The following ADAM12 variants were observed in gnomAD, a reference collection of about 807,000 sequenced individuals.
The protein encoded by ADAM12 is ADAM metallopeptidase domain 12.
Under a neutral mutation model 106.4 loss-of-function variants are expected in ADAM12, and 70 were observed. The observed-to-expected ratio is 0.66, with a 90% CI of 0.54 to 0.80. The LOEUF is 0.80. ADAM12 is among the 30% of genes least tolerant of loss of function. The pLI is 0.00. For synonymous variants in ADAM12, 420 were observed against 433.5 expected (o/e 0.97, Z 0.39); for missense variants, 1,010 against 1,171.9 (o/e 0.86, Z 2.02).
At chr10:126,105,340 G>A (rs1486002701) in intron 8 of ADAM12, among the ~76,000 whole-genome samples, 1 of 152,176 alleles carries the variant, frequency 6.6e-6, no homozygotes, top group Non-Finnish European at 1.5e-5. Context: ...GCAATTTCCA[G>A]TTTGGGTTTA....
chr10:126,282,396 A>C (rs1959626848), intron 2 of ADAM12, among the ~76,000 whole-genome samples: 1 of 152,160 alleles, frequency 6.6e-6, no homozygotes, highest in Non-Finnish European at 1.5e-5. Flanking sequence ...TTCTCATGCT[A>C]AATTCATTAT....
intron 3 of ADAM12, among the ~76,000 whole-genome samples, chr10:126,233,451 G>A (rs149076056): frequency 7.2e-5 from 11 of 152,288 alleles, no homozygotes; most frequent in East Asian, 1.9e-4. Context: ...AAGAACCAGC[G>A]GGGACCAGGA....
chr10:126,115,202 T>G (rs776833855), intron 6 of ADAM12, among the ~76,000 whole-genome samples: 18 of 152,218 alleles, frequency 1.2e-4, no homozygotes, highest in Non-Finnish European at 2.9e-5. Flanking sequence ...AGGGGAACAA[T>G]GGCACAGATA....
intron 14 of ADAM12, among the ~76,000 whole-genome samples, chr10:126,059,503 A>C (rs1954705720): frequency 6.6e-6 from 1 of 152,222 alleles, no homozygotes; most frequent in Admixed American, 6.5e-5. Flanking sequence ...ACTTCTAAAC[A>C]ATAAGACTTC....
At position 126,066,639 on chromosome 10, in the gene ADAM12, C is replaced by G; in HGVS notation, c.1413+78G>C. 1 of 1,407,222 alleles carries G rather than the reference C, an allele frequency of 7.1e-7. No homozygotes were observed. Among genetic ancestry groups the G allele is most frequent in the Non-Finnish European group, 1.0e-6 (1 of 995,084 alleles). The allele number at this position is 1,407,222 out of a possible 1,614,324, so 87.2% of individuals were successfully genotyped here. ...AGTGCTGGGAAACCTTCCAGCCACA[C>G]TGCTTGCCCTGCATCAGATCTGAAC... On this transcript the variant is annotated intron_variant, in intron 13 of 22. Transcript: ENST00000448723. This position sits in a 1 kb window ranked among gnomAD's most constrained non-coding sequence, Gnocchi z 5.1.
At chr10:126,133,801 C>T (rs1195008109) in intron 5 of ADAM12, among the ~76,000 whole-genome samples, 2 of 152,178 alleles carry the variant, frequency 1.3e-5, no homozygotes, top group African/African-American at 4.8e-5. Context: ...TGGGAATATC[C>T]CAGGCATCTT....
intron 8 of ADAM12, among the ~76,000 whole-genome samples, chr10:126,107,761 TC>T (rs963368752): frequency 2.0e-5 from 3 of 151,482 alleles, no homozygotes; most frequent in Non-Finnish European, 4.4e-5. Context: ...AGGTCTAACC[TC>T]CCCCCCGCCC....
intron 3 of ADAM12, among the ~76,000 whole-genome samples, chr10:126,260,876 T>G (rs967012189): frequency 1.3e-5 from 2 of 152,200 alleles, no homozygotes; most frequent in Admixed American, 1.3e-4. Context: ...AGCTTTATAT[T>G]TATGTCCATA....
At chr10:126,041,367 T>G (rs1954163944) in intron 18 of ADAM12, 14 of 985,708 alleles carry the variant, frequency 1.4e-5, no homozygotes, top group African/African-American at 1.7e-5. Context: ...CTCTATTTTA[T>G]GCAGTAATGG....
chr10:126,296,935 C>G (rs1474979552), intron 2 of ADAM12, among the ~76,000 whole-genome samples: 1 of 152,168 alleles, frequency 6.6e-6, no homozygotes, highest in Non-Finnish European at 1.5e-5. Context: ...GCTGGGATTC[C>G]TTCAGCCAAG....
At chr10:126,133,275 T>A (rs1956341415) in intron 5 of ADAM12, among the ~76,000 whole-genome samples, 1 of 152,202 alleles carries the variant, frequency 6.6e-6, no homozygotes. Context: ...GCGCCCACTC[T>A]GCATGCTGGG....
intron 14 of ADAM12, among the ~76,000 whole-genome samples, chr10:126,061,866 A>T (rs1954763000): frequency 6.6e-6 from 1 of 152,188 alleles, no homozygotes; most frequent in Admixed American, 6.5e-5. Flanking sequence ...TTTATAAGCC[A>T]TTAAGTTTGT....
At chr10:126,317,807 G>A (rs1236647563) in intron 2 of ADAM12, among the ~76,000 whole-genome samples, 1 of 151,986 alleles carries the variant, frequency 6.6e-6, no homozygotes, top group African/African-American at 2.4e-5. Flanking sequence ...CACCCATACT[G>A]GAGTGCAGTG....
chr10:126,368,170 C>A (rs1319005844), intron 1 of ADAM12, among the ~76,000 whole-genome samples: 1 of 151,640 alleles, frequency 6.6e-6, no homozygotes, highest in Non-Finnish European at 1.5e-5. Flanking sequence ...ATAGGATAAA[C>A]AACAAATGAA....
At chr10:126,212,258 G>C (rs1424102148) in intron 3 of ADAM12, among the ~76,000 whole-genome samples, 1 of 152,200 alleles carries the variant, frequency 6.6e-6, no homozygotes, top group Non-Finnish European at 1.5e-5. Flanking sequence ...TTCAATCTGA[G>C]TATGGTGCCC....
chr10:126,039,518 C>T (rs1954122652), intron 18 of ADAM12, 89 bp from the exon 19 acceptor site: 3 of 1,510,074 alleles, frequency 2.0e-6, no homozygotes, highest in Admixed American at 1.7e-5. Context: ...GCAAAGTGAA[C>T]TCTGAAGCAA....
intron 3 of ADAM12, among the ~76,000 whole-genome samples, chr10:126,159,997 C>T (rs1023125648): frequency 3.3e-5 from 5 of 152,184 alleles, no homozygotes; most frequent in African/African-American, 1.2e-4. Context: ...TGCTGAGGCA[C>T]TAAATGATAT....
intron 14 of ADAM12, among the ~76,000 whole-genome samples, chr10:126,058,753 C>T (rs963497897): frequency 2.0e-5 from 3 of 152,072 alleles, no homozygotes; most frequent in Admixed American, 6.5e-5. Flanking sequence ...GGCTTTTGTG[C>T]GTTAGCTGCC....
intron 3 of ADAM12, among the ~76,000 whole-genome samples, chr10:126,180,580 A>C (rs1957295420): frequency 6.6e-6 from 1 of 152,244 alleles, no homozygotes; most frequent in African/African-American, 2.4e-5. Context: ...TCTAAAAAAA[A>C]GATAAGCCCC....
Sources: allele counts gnomAD v4.1 joint callset (sites outside exome capture counted in the v4.1 genomes callset), GRCh38; gene constraint gnomAD v4.1.1; non-coding constraint Gnocchi (gnomAD v3.1); transcripts MANE v1.5; gene names NCBI Gene and HGNC (gene_info 2026-07-23, HGNC 2026-07-21).